The following LCORL variants were observed in gnomAD, a reference collection of about 807,000 sequenced individuals.
The protein encoded by LCORL is ligand-dependent nuclear receptor corepressor-like protein.
A neutral mutation model predicts 141.8 loss-of-function variants in LCORL; 41 were observed. That is an observed-to-expected ratio of 0.29 (90% CI 0.23 to 0.38). LCORL has a LOEUF of 0.38. LCORL is among the 10% of genes least tolerant of loss of function. The pLI is 1.00. For synonymous variants in LCORL, 618 were observed against 694.1 expected (o/e 0.89, Z 1.72); for missense variants, 1,759 against 2,035.0 (o/e 0.86, Z 2.61).
At chr4:17,901,397 AC>A (rs1730852757) in intron 5 of LCORL, among the ~76,000 whole-genome samples, 1 of 151,330 alleles carries the variant, frequency 6.6e-6, no homozygotes, top group Non-Finnish European at 1.5e-5. Context: ...AAAAAAAAAA[AC>A]AACAAAATCC....
chr4:17,885,759 T>C (rs1305006246), intron 6 of LCORL, among the ~76,000 whole-genome samples: 1 of 151,936 alleles, frequency 6.6e-6, no homozygotes, highest in Non-Finnish European at 1.5e-5. Context: ...TCCCTTAAAA[T>C]TGCGTCCTGA....
At chr4:17,944,390 C>T (rs1370686402) in intron 4 of LCORL, among the ~76,000 whole-genome samples, 1 of 152,094 alleles carries the variant, frequency 6.6e-6, no homozygotes, top group Non-Finnish European at 1.5e-5. Context: ...AGAACTGCCC[C>T]TTCCTTCTCA....
At chr4:17,988,783 G>C (rs147973044) in intron 1 of LCORL, among the ~76,000 whole-genome samples, 9 of 152,054 alleles carry the variant, frequency 5.9e-5, no homozygotes, top group Non-Finnish European at 1.3e-4. Flanking sequence ...TCAGGAGTTC[G>C]AGACCAGCCT....
At chr4:17,967,953 G>C (rs1344367235) in intron 2 of LCORL, among the ~76,000 whole-genome samples, 2 of 151,624 alleles carry the variant, frequency 1.3e-5, no homozygotes, top group Admixed American at 1.3e-4. Flanking sequence ...TGCCTCCCAG[G>C]TTCAAGCGAT....
rs577945337 is a variant in LCORL, at chr4:18,012,315, G to A, written c.154+9283C>T. Among the ~76,000 whole-genome samples the A allele has an allele frequency of 2.8e-4, 42 of 152,176 alleles. 1 individual carries two copies. The highest frequency in any genetic ancestry group is 6.0e-4 in the Non-Finnish European group (41 of 68,026). On this transcript the variant is annotated intron_variant, in intron 1 of 7. Transcript: ENST00000635767. ...GTACAGCTTCCTTGTATTTTAAGAC[G>A]CCTGCAGCTCCAGCTGTACTGTCTT...
chr4:17,881,735 T>C, intron 6 of LCORL: 1 of 953,264 alleles, frequency 1.0e-6, no homozygotes, highest in Non-Finnish European at 1.2e-6. Flanking sequence ...CTCAATACAA[T>C]ATAAATATTA....
exon 8 of LCORL, chr4:17,842,533 A>G (rs1352476980): frequency 2.7e-5 from 17 of 618,264 alleles, no homozygotes; most frequent in Non-Finnish European, 4.6e-5. Flanking sequence ...CTAAAATTCC[A>G]TCATCAAGAG....
chr4:18,014,309 T>C (rs748663769), intron 1 of LCORL, among the ~76,000 whole-genome samples: 4 of 152,064 alleles, frequency 2.6e-5, no homozygotes, highest in Non-Finnish European at 5.9e-5. Flanking sequence ...TTTTATTTCA[T>C]GAAAAAAAGA....
chr4:17,843,760 T>C (rs1722656680), exon 8 of LCORL: 1 of 163,508 alleles, frequency 6.1e-6, no homozygotes, highest in South Asian at 1.7e-4. Flanking sequence ...AACTAGCTAG[T>C]AGCTTGCATT....
chr4:17,988,627 A>G (rs1166511056), intron 1 of LCORL, among the ~76,000 whole-genome samples: 1 of 140,440 alleles, frequency 7.1e-6, no homozygotes, highest in Non-Finnish European at 1.5e-5. Context: ...AAGGTCTAGC[A>G]CATTGTTTAC....
At chr4:17,967,807 G>A (rs892045959) in intron 2 of LCORL, among the ~76,000 whole-genome samples, 15 of 151,914 alleles carry the variant, frequency 9.9e-5, no homozygotes, top group African/African-American at 3.6e-4. Context: ...AAAGGTAATC[G>A]CAGTTTCTGC....
At chr4:17,875,203 T>G in exon 7 of LCORL, 3 of 1,231,734 alleles carry the variant, frequency 2.4e-6, no homozygotes, top group Non-Finnish European at 3.0e-6. Flanking sequence ...GAAGTTCTAT[T>G]AATAGTCACA....
At chr4:17,857,565 GTT>G (rs1225081724) in intron 7 of LCORL, among the ~76,000 whole-genome samples, 1 of 152,118 alleles carries the variant, frequency 6.6e-6, no homozygotes, top group Non-Finnish European at 1.5e-5. Flanking sequence ...CCAGATAATT[GTT>G]TTGGGGGGCT....
intron 1 of LCORL, among the ~76,000 whole-genome samples, chr4:18,006,403 C>T (rs1722818800): frequency 6.6e-6 from 1 of 152,188 alleles, no homozygotes; most frequent in Admixed American, 6.5e-5. Flanking sequence ...TATTCAACCT[C>T]TGCCTCTTAC....
chr4:18,014,799 G>A (rs1724379296), intron 1 of LCORL, among the ~76,000 whole-genome samples: 1 of 152,160 alleles, frequency 6.6e-6, no homozygotes, highest in Non-Finnish European at 1.5e-5. Context: ...CAGTAGGCTG[G>A]TCTGGGCCCC....
intron 4 of LCORL, among the ~76,000 whole-genome samples, chr4:17,932,164 G>A (rs1736148977): frequency 6.6e-6 from 1 of 151,934 alleles, no homozygotes; most frequent in South Asian, 2.1e-4. Context: ...TTTTATTTTA[G>A]GCATGTCTTG....
chr4:18,010,935 C>T (rs907249494), intron 1 of LCORL, among the ~76,000 whole-genome samples: 2 of 152,134 alleles, frequency 1.3e-5, no homozygotes, highest in African/African-American at 4.8e-5. Flanking sequence ...AAAAGCACAA[C>T]CTGAGCCTCT....
intron 7 of LCORL, among the ~76,000 whole-genome samples, chr4:17,850,895 T>C (rs1181447625): frequency 6.6e-6 from 1 of 151,074 alleles, no homozygotes; most frequent in Non-Finnish European, 1.5e-5. Flanking sequence ...CCAGCAATGA[T>C]AGACTGGATT....
chr4:18,007,961 T>A (rs912350439), intron 1 of LCORL, among the ~76,000 whole-genome samples: 4 of 152,114 alleles, frequency 2.6e-5, no homozygotes, highest in Admixed American at 2.6e-4. Flanking sequence ...AAGAGTAGTA[T>A]GTAAAAAAAA....
Sources: gnomAD v4.1 joint callset for allele counts (sites outside exome capture counted in the v4.1 genomes callset) on GRCh38, gnomAD v4.1.1 for gene constraint, MANE v1.5 for transcripts, NCBI Gene and HGNC (gene_info 2026-07-23, HGNC 2026-07-21) for gene names.